The following STK32C variants were observed in gnomAD, a reference collection of about 807,000 sequenced individuals.
STK32C encodes the protein serine/threonine kinase 32C.
A neutral mutation model predicts 56.5 loss-of-function variants in STK32C; 31 were observed. That is an observed-to-expected ratio of 0.55 (90% CI 0.41 to 0.74). The LOEUF (loss-of-function observed/expected upper bound fraction) is 0.74, where lower values mean the gene tolerates loss of function less well. STK32C is among the 30% of genes least tolerant of loss of function. The pLI is 0.00. For synonymous variants in STK32C, 309 were observed against 289.4 expected (o/e 1.07, Z -0.69); for missense variants, 544 against 676.9 (o/e 0.80, Z 2.18).
intron 3 of STK32C, among the ~76,000 whole-genome samples, chr10:132,227,586 AGTGGTGATGGTG>A: frequency 6.7e-6 from 1 of 150,192 alleles, no homozygotes; most frequent in East Asian, 2.0e-4. Context: ...TGATGGTTGC[AGTGGTGATGGTG>A]GTGGTGATGG....
In STK32C at chr10:132,280,521, G is replaced by A. The variant is rs117198359; in HGVS notation, c.262+27051C>T. Among the ~76,000 whole-genome samples, 909 of 108,104 alleles carry A rather than the reference G, an allele frequency of 8.4e-3. 47 individuals carry two copies. In the East Asian group the frequency reaches 0.19, roughly 22 times the overall value. The allele number at this position is 108,104 out of a possible 152,430, so 70.9% of individuals were successfully genotyped here. ...CTCCATGACCATGTCCCTGCACTCC[G>A]TGATCACGCTGAGGCCTCCACACCG... On this transcript the variant is annotated intron_variant, in intron 1 of 11. Coordinates refer to ENST00000298630, the MANE Select transcript of STK32C (RefSeq NM_173575.4).
intron 3 of STK32C, 150 bp downstream of exon 3, chr10:132,227,827 T>C: frequency 2.0e-6 from 2 of 1,008,452 alleles, no homozygotes; most frequent in Non-Finnish European, 1.5e-6. Flanking sequence ...GGAAGGGGGA[T>C]AGATGAGGAG....
intron 1 of STK32C, among the ~76,000 whole-genome samples, chr10:132,289,097 A>T (rs1341569682): frequency 6.6e-6 from 1 of 152,118 alleles, no homozygotes; most frequent in Non-Finnish European, 1.5e-5. Flanking sequence ...GTTACTGGCA[A>T]CAAGAAAGAT....
At chr10:132,232,678 G>C (rs1040329835) in intron 2 of STK32C, among the ~76,000 whole-genome samples, 4 of 152,042 alleles carry the variant, frequency 2.6e-5, no homozygotes, top group African/African-American at 9.7e-5. Flanking sequence ...AGCCAACCCC[G>C]GGCTCCGGAG....
chr10:132,245,819 G>A, intron 2 of STK32C, 81 bp downstream of exon 2: 16 of 1,402,404 alleles, frequency 1.1e-5, no homozygotes, highest in Non-Finnish European at 1.5e-5. Context: ...GGGAGTAGGT[G>A]GGCTCAGGGG....
chr10:132,283,532 G>T (rs766984743), intron 1 of STK32C, among the ~76,000 whole-genome samples: 2 of 152,200 alleles, frequency 1.3e-5, no homozygotes, highest in Non-Finnish European at 2.9e-5. Context: ...CTCTAGAAAG[G>T]CAGATTCCCT....
intron 1 of STK32C, among the ~76,000 whole-genome samples, chr10:132,303,593 G>A (rs769548186): frequency 1.2e-4 from 18 of 152,220 alleles, no homozygotes; most frequent in Non-Finnish European, 2.2e-4. Flanking sequence ...GACACATGCC[G>A]CTAACAAGCG....
chr10:132,222,291 C>T (rs1183666808), intron 10 of STK32C, among the ~76,000 whole-genome samples: 2 of 148,206 alleles, frequency 1.3e-5, no homozygotes, highest in Non-Finnish European at 3.0e-5. Context: ...TGTCCCGGCA[C>T]ACATACCTGA....
chr10:132,230,080 G>A (rs933210511), intron 2 of STK32C, among the ~76,000 whole-genome samples: 2 of 152,214 alleles, frequency 1.3e-5, no homozygotes, highest in Non-Finnish European at 2.9e-5. Context: ...ACCTGCTGAG[G>A]AGCGGGGGCA....
chr10:132,332,005 T>C (rs1430424065), upstream of STK32C: 2 of 283,312 alleles, frequency 7.1e-6, no homozygotes, highest in Non-Finnish European at 6.1e-6. Context: ...CCCGACCCCC[T>C]GCCGCGCAGG....
intron 1 of STK32C, among the ~76,000 whole-genome samples, chr10:132,276,277 C>T (rs1482282488): frequency 6.6e-6 from 1 of 152,172 alleles, no homozygotes; most frequent in Non-Finnish European, 1.5e-5. Context: ...GAGATGCCAC[C>T]ACGCCAAGTC....
intron 4 of STK32C, 34 bp downstream of exon 4, chr10:132,226,761 C>G: frequency 6.2e-7 from 1 of 1,602,594 alleles, no homozygotes; most frequent in Non-Finnish European, 8.5e-7. Flanking sequence ...CCGCCCACCT[C>G]AGCAGGTACC....
chr10:132,288,469 G>T (rs1283930349), intron 1 of STK32C, among the ~76,000 whole-genome samples: 1 of 152,228 alleles, frequency 6.6e-6, no homozygotes, highest in Non-Finnish European at 1.5e-5. Flanking sequence ...CTCCAGCCCA[G>T]AGCTGGACTT....
chr10:132,331,717 C>G (rs1442882707), exon 1 of STK32C: 12 of 1,612,608 alleles, frequency 7.4e-6, no homozygotes, highest in Non-Finnish European at 1.0e-5. Flanking sequence ...CCCTCCGGCT[C>G]CCCAGACGGC....
At chr10:132,328,693 G>T (rs1200001377) in intron 1 of STK32C, among the ~76,000 whole-genome samples, 1 of 152,200 alleles carries the variant, frequency 6.6e-6, no homozygotes, top group Non-Finnish European at 1.5e-5. Context: ...AGATGGAATC[G>T]GTTAGGTCTG....
chr10:132,215,044 C>T (rs56153446), intron 10 of STK32C, among the ~76,000 whole-genome samples: 1,787 of 152,240 alleles, frequency 0.012, 20 homozygotes, highest in Middle Eastern at 0.024. Flanking sequence ...TACAAGACAG[C>T]GTGTCTCTCT....
chr10:132,307,708 C>CT lies in STK32C; in HGVS notation c.125dup (p.Pro43AlafsTer41). 7.0e-7 allele frequency: 1 copy of CT among 1,427,526 alleles called. No homozygotes were observed. Among genetic ancestry groups the CT allele is most frequent in the Non-Finnish European group, 9.2e-7 (1 of 1,081,212 alleles). 88.4% of individuals were successfully genotyped at this position (1,427,526 alleles called of 1,614,324 possible). ...CATCGCCCGAGTCCCGGGCCCGGGG[C>CT]TGGCCAGCAGCGGGCGGCGGCAGGG... is the stretch of plus-strand genomic sequence containing the variant. On this transcript the variant is annotated frameshift_variant, in exon 1 of 12. Transcript: ENST00000298630. LOFTEE classifies it high-confidence loss of function. The surrounding 1 kb of genome is among the most constrained non-coding windows in gnomAD (Gnocchi z 4.4).
intron 10 of STK32C, among the ~76,000 whole-genome samples, chr10:132,221,696 AACT>A (rs1274476412): frequency 7.0e-6 from 1 of 143,834 alleles, no homozygotes; most frequent in Admixed American, 6.9e-5. Context: ...CCACACACAC[AACT>A]GATGCTGACG....
At chr10:132,300,452 G>T (rs377112425) in intron 1 of STK32C, among the ~76,000 whole-genome samples, 14 of 152,300 alleles carry the variant, frequency 9.2e-5, no homozygotes, top group African/African-American at 3.4e-4. Flanking sequence ...GCCAGGCCAG[G>T]GCAAGCACCT....
Sources: allele counts gnomAD v4.1 joint callset (sites outside exome capture counted in the v4.1 genomes callset), GRCh38; gene constraint gnomAD v4.1.1; non-coding constraint Gnocchi (gnomAD v3.1); transcripts MANE v1.5; gene names NCBI Gene and HGNC (gene_info 2026-07-23, HGNC 2026-07-21).